Variants in SEMA3E observed in about 807,000 individuals in gnomAD.
SEMA3E encodes the protein semaphorin 3E, also known as semaphorin-3E.
A neutral mutation model predicts 93.6 loss-of-function variants in SEMA3E; 49 were observed. That is an observed-to-expected ratio of 0.52 (90% confidence interval 0.42 to 0.66). The LOEUF is 0.66. Among genes scored for constraint, SEMA3E ranks in the 30% least tolerant of loss-of-function variants. The pLI, the probability that SEMA3E is intolerant of heterozygous loss-of-function variation, is 0.00. For missense variants in SEMA3E, 906 were observed against 964.8 expected, an observed-to-expected ratio of 0.94 and a Z score of 0.81; for synonymous variants, 363 against 330.7, an observed-to-expected ratio of 1.10 and a Z score of -1.06.
intron 7 of SEMA3E, 121 bp from the exon 8 acceptor site, chr7:83,406,180 G>A (rs1293652908): frequency 3.3e-5 from 25 of 763,874 alleles, no homozygotes; most frequent in Non-Finnish European, 4.4e-5. Flanking sequence ...AGGAAAATTT[G>A]GCATAATTCT....
chr7:83,466,536 A>G lies in SEMA3E; in HGVS notation c.402T>C (p.Gly134=). ...HYNRTHLLTC[G]TGAFDPVCAF... Reference sequence around the variant, plus strand: ...CACAAACTGGATCAAAAGCTCCAGTACCACAGGTCAGAAGGTGTGTCCTGT... The same window carrying G: ...CACAAACTGGATCAAAAGCTCCAGTGCCACAGGTCAGAAGGTGTGTCCTGT... The change falls in exon 4 of 17, where the codon GGT becomes GGC. Residue 134 remains glycine, a synonymous_variant. Coordinates refer to ENST00000643230, the MANE Select transcript of SEMA3E (RefSeq NM_012431.3). The G allele has an allele frequency of 6.2e-7, 1 of 1,614,046 alleles. No individual in the cohort carries two copies.
intron 1 of SEMA3E, among the ~76,000 whole-genome samples, chr7:83,569,467 ACT>A (rs1278913034): frequency 6.6e-6 from 1 of 152,072 alleles, no homozygotes; most frequent in Non-Finnish European, 1.5e-5. Flanking sequence ...ACAAGACCCA[ACT>A]CTCTACTATC....
chr7:83,488,696 G>A (rs1275919384), intron 2 of SEMA3E, among the ~76,000 whole-genome samples: 1 of 152,116 alleles, frequency 6.6e-6, no homozygotes, highest in Admixed American at 6.6e-5. Flanking sequence ...TGGTGGGCCT[G>A]AGAAACTGAA....
chr7:83,396,381 T>C (rs1788122607), intron 12 of SEMA3E, among the ~76,000 whole-genome samples: 1 of 152,204 alleles, frequency 6.6e-6, no homozygotes, highest in Admixed American at 6.5e-5. Flanking sequence ...TTATATGTAG[T>C]ATAAATGTTA....
At chr7:83,521,310 C>T (rs982404431) in intron 1 of SEMA3E, among the ~76,000 whole-genome samples, 3 of 152,050 alleles carry the variant, frequency 2.0e-5, no homozygotes, top group Non-Finnish European at 2.9e-5. Flanking sequence ...AAAGTCATGA[C>T]AGCAAATCAG....
chr7:83,400,303 A>G (rs539121331), intron 10 of SEMA3E, 53 bp from the exon 11 acceptor site: 1 of 1,518,762 alleles, frequency 6.6e-7, no homozygotes, highest in East Asian at 2.3e-5. Context: ...CAAAGAGAAA[A>G]TTTATAATCA....
In SEMA3E at chr7:83,466,523, CA is replaced by C; in HGVS notation, c.414del (p.Phe138LeufsTer45). ...ACTCTGATGAAGGCACAAACTGGATCAAAAGCTCCAGTACCACAGGTCAGAA... is the reference window on the plus strand; with the variant it reads ...ACTCTGATGAAGGCACAAACTGGATCAAAGCTCCAGTACCACAGGTCAGAA... ...THLLTCGTGA[F>X]DPVCAFIRVG... is the part of the protein sequence containing the mutation. On this transcript the variant is annotated frameshift_variant, in exon 4 of 17. Transcript: ENST00000643230. LOFTEE classifies it high-confidence loss of function. The C allele has an allele frequency of 6.2e-7, 1 of 1,613,992 alleles. No homozygotes were observed. Among genetic ancestry groups the C allele is most frequent in the Non-Finnish European group, 8.5e-7 (1 of 1,179,976 alleles).
At chr7:83,617,309 T>TAACCC (rs1793390358) in intron 1 of SEMA3E, among the ~76,000 whole-genome samples, 1 of 150,682 alleles carries the variant, frequency 6.6e-6, no homozygotes, top group African/African-American at 2.4e-5. Flanking sequence ...TGCCCTAAGG[T>TAACCC]TAAGTATAAA....
intron 1 of SEMA3E, among the ~76,000 whole-genome samples, chr7:83,575,981 C>T (rs1302967921): frequency 6.6e-6 from 1 of 151,916 alleles, no homozygotes; most frequent in Non-Finnish European, 1.5e-5. Context: ...AGTTTTCAAA[C>T]GATGTATTGT....
At position 83,466,476 on chromosome 7, in the gene SEMA3E, T is replaced by A. The variant is rs188924422; in HGVS notation, c.456+6A>T. ...TTTATTGACAGCAATGAATGAAACA[T>A]CTTACCTCCAAATGATATCCAACTC... is the stretch of plus-strand genomic sequence containing the variant. On this transcript the variant is annotated splice_donor_region_variant and intron_variant, in intron 4 of 16. Coordinates refer to ENST00000643230, the MANE Select transcript of SEMA3E (RefSeq NM_012431.3). 8 of 1,613,898 alleles carry A rather than the reference T, an allele frequency of 5.0e-6. No homozygotes were observed. In the African/African-American group the frequency reaches 5.3e-5, roughly 11 times the overall value.
chr7:83,537,974 G>A (rs1378117522), intron 1 of SEMA3E, among the ~76,000 whole-genome samples: 3 of 151,992 alleles, frequency 2.0e-5, no homozygotes, highest in Non-Finnish European at 4.4e-5. Context: ...AGAATCATAT[G>A]GTATGTGAAC....
chr7:83,632,302 A>G (rs946642245), intron 1 of SEMA3E, among the ~76,000 whole-genome samples: 2 of 152,188 alleles, frequency 1.3e-5, no homozygotes, highest in African/African-American at 4.8e-5. Flanking sequence ...AGAATAGTCA[A>G]GATATTGAGG....
At chr7:83,435,046 ATT>A (rs1304567321) in intron 4 of SEMA3E, among the ~76,000 whole-genome samples, 1 of 152,096 alleles carries the variant, frequency 6.6e-6, no homozygotes, top group Admixed American at 6.6e-5. Context: ...TTCTAATAGC[ATT>A]CTCTTACAAA....
chr7:83,393,438 G>C (rs186227458), intron 13 of SEMA3E, among the ~76,000 whole-genome samples: 500 of 152,198 alleles, frequency 3.3e-3, no homozygotes, highest in Non-Finnish European at 5.2e-3. Context: ...TGACACAGAA[G>C]GATGACCTGA....
chr7:83,647,313 CT>C (rs1250007085), intron 1 of SEMA3E, among the ~76,000 whole-genome samples: 1 of 152,056 alleles, frequency 6.6e-6, no homozygotes, highest in African/African-American at 2.4e-5. Context: ...TGAGGACTCC[CT>C]TTTTGTTTCT....
At chr7:83,648,293 G>A in intron 1 of SEMA3E, 135 bp downstream of exon 1, 2 of 665,564 alleles carry the variant, frequency 3.0e-6, no homozygotes, top group Non-Finnish European at 5.2e-6. Context: ...GGTCAGTTTT[G>A]CAATAAATTT....
chr7:83,447,341 C>G (rs1474257877), intron 4 of SEMA3E, among the ~76,000 whole-genome samples: 1 of 152,010 alleles, frequency 6.6e-6, no homozygotes, highest in East Asian at 1.9e-4. Context: ...TGGAGACCAT[C>G]CTGGCCAATA....
chr7:83,639,210 G>C (rs1189145307), intron 1 of SEMA3E, among the ~76,000 whole-genome samples: 1 of 147,704 alleles, frequency 6.8e-6, no homozygotes, highest in Non-Finnish European at 1.5e-5. Flanking sequence ...GAATGCTGAT[G>C]TTGCAGTCCA....
At chr7:83,442,881 C>T (rs1584251886) in intron 4 of SEMA3E, among the ~76,000 whole-genome samples, 1 of 152,256 alleles carries the variant, frequency 6.6e-6, no homozygotes. Context: ...TCCTCTAATT[C>T]TGCAGCATAG....
Sources: allele counts gnomAD v4.1 joint callset (sites outside exome capture counted in the v4.1 genomes callset), GRCh38; gene constraint gnomAD v4.1.1; transcripts MANE v1.5; gene names NCBI Gene and HGNC (gene_info 2026-07-23, HGNC 2026-07-21).